RAP1GDS1: variants seen among roughly 807,000 people sequenced by gnomAD.
RAP1GDS1 encodes the protein RAP1, GTP-GDP dissociation stimulator 1.
In RAP1GDS1, 35 loss-of-function variants were observed where a neutral mutation model predicts 71.1. The ratio of observed to expected loss-of-function variants is 0.49; its 90% CI spans 0.38 to 0.65. The LOEUF is 0.65. Among genes scored for constraint, RAP1GDS1 ranks in the 30% least tolerant of loss-of-function variants. RAP1GDS1 has a pLI of 0.00. For missense variants in RAP1GDS1, 663 were observed against 706.1 expected (o/e 0.94, Z 0.69); for synonymous variants, 229 against 243.1 (o/e 0.94, Z 0.54).
intron 1 of RAP1GDS1, among the ~76,000 whole-genome samples, chr4:98,286,608 G>A (rs1157024610): frequency 6.6e-6 from 1 of 152,068 alleles, no homozygotes; most frequent in Non-Finnish European, 1.5e-5. Context: ...AATGAGGCCA[G>A]GCGCGGTGGC....
At chr4:98,348,583 A>G (rs1480876029) in intron 3 of RAP1GDS1, among the ~76,000 whole-genome samples, 3 of 152,170 alleles carry the variant, frequency 2.0e-5, no homozygotes, top group Non-Finnish European at 4.4e-5. Flanking sequence ...AGTCCCACCA[A>G]CAGTGTAAAA....
At chr4:98,324,476 C>A (rs2110349261) in intron 2 of RAP1GDS1, among the ~76,000 whole-genome samples, 1 of 149,746 alleles carries the variant, frequency 6.7e-6, no homozygotes, top group East Asian at 1.9e-4. Flanking sequence ...AATCCTAAGC[C>A]AAAAGAACAA....
intron 3 of RAP1GDS1, among the ~76,000 whole-genome samples, chr4:98,350,731 G>C (rs965506536): frequency 6.6e-6 from 1 of 152,068 alleles, no homozygotes; most frequent in Non-Finnish European, 1.5e-5. Context: ...CCAGCTACTC[G>C]GGAGGCTGAG....
At chr4:98,262,264 G>A (rs1249675164) in intron 1 of RAP1GDS1, among the ~76,000 whole-genome samples, 1 of 152,254 alleles carries the variant, frequency 6.6e-6, no homozygotes, top group East Asian at 1.9e-4. Flanking sequence ...GGATTCCTTC[G>A]TCCGTCTTCT....
intron 1 of RAP1GDS1, among the ~76,000 whole-genome samples, chr4:98,287,856 G>T (rs1169111294): frequency 6.6e-6 from 1 of 151,684 alleles, no homozygotes; most frequent in African/African-American, 2.4e-5. Context: ...GTACATTCCT[G>T]TTAGATCTTG....
At chr4:98,432,157 C>G (rs1171830487) in intron 12 of RAP1GDS1, among the ~76,000 whole-genome samples, 1 of 152,170 alleles carries the variant, frequency 6.6e-6, no homozygotes, top group South Asian at 2.1e-4. Context: ...ACTCAGGTAT[C>G]TGTTCCGGAA....
chr4:98,365,769 T>C (rs1363236938), intron 4 of RAP1GDS1, among the ~76,000 whole-genome samples: 4 of 152,230 alleles, frequency 2.6e-5, no homozygotes, highest in Non-Finnish European at 5.9e-5. Context: ...ATTGTTAATA[T>C]ACCCTTTTAA....
intron 5 of RAP1GDS1, among the ~76,000 whole-genome samples, chr4:98,388,712 TGA>T (rs1743147046): frequency 6.6e-6 from 1 of 152,136 alleles, no homozygotes; most frequent in South Asian, 2.1e-4. Flanking sequence ...AGCAACAGAG[TGA>T]GACTTCGTCT....
At chr4:98,378,834 T>G (rs1465645332) in intron 4 of RAP1GDS1, among the ~76,000 whole-genome samples, 183 bp from the exon 5 acceptor site, 1 of 151,800 alleles carries the variant, frequency 6.6e-6, no homozygotes, top group Non-Finnish European at 1.5e-5. Context: ...CTTTTCCCCA[T>G]CCCACCCCCA....
At chr4:98,300,824 C>T (rs993684648) in intron 2 of RAP1GDS1, among the ~76,000 whole-genome samples, 1 of 152,178 alleles carries the variant, frequency 6.6e-6, no homozygotes, top group South Asian at 2.1e-4. Context: ...CTCACAATAT[C>T]TCTGAGGTAT....
At chr4:98,386,926 G>A (rs1019705955) in intron 5 of RAP1GDS1, among the ~76,000 whole-genome samples, 2 of 151,690 alleles carry the variant, frequency 1.3e-5, no homozygotes, top group African/African-American at 4.8e-5. Context: ...ATCCTTTTTT[G>A]GAAATACAGA....
At chr4:98,272,814 ACTT>A (rs1236080599) in intron 1 of RAP1GDS1, among the ~76,000 whole-genome samples, 1 of 152,050 alleles carries the variant, frequency 6.6e-6, no homozygotes, top group Middle Eastern at 3.2e-3. Flanking sequence ...TATAAAATCC[ACTT>A]CTTGTTGCAC....
intron 6 of RAP1GDS1, among the ~76,000 whole-genome samples, chr4:98,393,524 C>T (rs1335899163): frequency 6.6e-6 from 1 of 152,142 alleles, no homozygotes; most frequent in East Asian, 1.9e-4. Context: ...AGAAATAAAA[C>T]AGAAATTGTG....
At chr4:98,282,079 TTG>T (rs972106141) in intron 1 of RAP1GDS1, among the ~76,000 whole-genome samples, 30 of 152,226 alleles carry the variant, frequency 2.0e-4, no homozygotes, top group Admixed American at 1.0e-3. Flanking sequence ...TCTTTTTTTG[TTG>T]TGTCTCTGTC....
intron 1 of RAP1GDS1, among the ~76,000 whole-genome samples, chr4:98,278,830 C>T (rs1023937491): frequency 1.8e-4 from 28 of 152,158 alleles, no homozygotes; most frequent in African/African-American, 6.5e-4. Flanking sequence ...AAACCAAGAT[C>T]TGTTGGATTT....
chr4:98,352,941 C>A (rs1221761961), intron 4 of RAP1GDS1, among the ~76,000 whole-genome samples: 3 of 152,170 alleles, frequency 2.0e-5, no homozygotes, highest in African/African-American at 7.2e-5. Context: ...AATGGGAATG[C>A]TTATGGACAC....
intron 1 of RAP1GDS1, among the ~76,000 whole-genome samples, chr4:98,268,536 G>C (rs1723003883): frequency 6.6e-6 from 1 of 151,810 alleles, no homozygotes; most frequent in Non-Finnish European, 1.5e-5. Flanking sequence ...TTTAAAGATA[G>C]CATGGTCTTA....
intron 5 of RAP1GDS1, among the ~76,000 whole-genome samples, chr4:98,390,615 A>G (rs1743467058): frequency 6.6e-6 from 1 of 152,094 alleles, no homozygotes; most frequent in Non-Finnish European, 1.5e-5. Flanking sequence ...TTCACTCTAA[A>G]AGCAGGAAGA....
chr4:98,346,592 T>A (rs532691383), intron 3 of RAP1GDS1, among the ~76,000 whole-genome samples: 1 of 152,062 alleles, frequency 6.6e-6, no homozygotes, highest in Admixed American at 6.6e-5. Context: ...TCGCCCAGGC[T>A]GGAGTGCAAT....
Sources: allele counts gnomAD v4.1 joint callset (sites outside exome capture counted in the v4.1 genomes callset), GRCh38; gene constraint gnomAD v4.1.1; transcripts MANE v1.5; gene names NCBI Gene and HGNC (gene_info 2026-07-23, HGNC 2026-07-21).